USH2A: variants seen among roughly 807,000 people sequenced by gnomAD.
USH2A encodes the protein usherin.
USH2A carries 443 observed loss-of-function variants against 538.9 expected under a neutral mutation model. The observed-to-expected ratio is 0.82, with a 90% CI of 0.76 to 0.89. The LOEUF (loss-of-function observed/expected upper bound fraction) is 0.89, where lower values mean the gene tolerates loss of function less well. Among genes scored for constraint, USH2A ranks in the 40% least tolerant of loss-of-function variants. The probability of loss-of-function intolerance (pLI) is 0.00; values close to 1 mark genes in which losing one functional copy is unlikely to be tolerated. For missense variants in USH2A, 6,633 were observed against 6,324.8 expected (o/e 1.05, Z -1.65); for synonymous variants, 2,413 against 2,273.5 (o/e 1.06, Z -1.75).
intron 44 of USH2A, among the ~76,000 whole-genome samples, chr1:215,847,499 A>G (rs1453755060): frequency 6.6e-6 from 1 of 151,814 alleles, no homozygotes. Flanking sequence ...ACAAAAACTA[A>G]CCAGGTGTGA....
chr1:216,186,641 A>G (rs1031448499), intron 20 of USH2A, among the ~76,000 whole-genome samples: 3 of 151,932 alleles, frequency 2.0e-5, no homozygotes, highest in Non-Finnish European at 4.4e-5. Context: ...AGATGAATAC[A>G]AAATCTGCAT....
chr1:215,868,684 C>T (rs1465545170), intron 43 of USH2A, among the ~76,000 whole-genome samples: 1 of 152,226 alleles, frequency 6.6e-6, no homozygotes, highest in East Asian at 1.9e-4. Flanking sequence ...GATTAGGCAG[C>T]ACCATAAATT....
At position 215,758,609 on chromosome 1, in the gene USH2A, G is replaced by A; in HGVS notation, c.11375C>T (p.Ala3792Val). The A allele has an allele frequency of 1.2e-6, 2 of 1,612,244 alleles. No homozygotes were observed. Among genetic ancestry groups the A allele is most frequent in the Non-Finnish European group, 1.7e-6 (2 of 1,179,528 alleles). Residue 3792 changes from alanine to valine, a missense_variant, in exon 58 of 72, where the codon GCT becomes GTT. Ala to Val is a moderately conservative substitution (Grantham distance 64). Coordinates refer to ENST00000307340, the MANE Select transcript of USH2A (RefSeq NM_206933.4). ...TTTTTTTTTACCTGGTGGTATCCAA[G>A]CTACAAATATAGAATAAGGCCCAAT... The part of the protein sequence containing the change: ...TVIGPYSIFV[A>V]WIPPGILIPE...
At chr1:216,391,653 C>T (rs1391424674) in intron 3 of USH2A, among the ~76,000 whole-genome samples, 1 of 152,070 alleles carries the variant, frequency 6.6e-6, no homozygotes, top group Non-Finnish European at 1.5e-5. Flanking sequence ...TCCAGAGGGT[C>T]AATTTTAAAC....
chr1:216,226,479 C>G (rs1174684781), intron 14 of USH2A, among the ~76,000 whole-genome samples: 1 of 152,142 alleles, frequency 6.6e-6, no homozygotes, highest in African/African-American at 2.4e-5. Flanking sequence ...GGTTAGCCTC[C>G]TCCCTCACGT....
intron 40 of USH2A, among the ~76,000 whole-genome samples, chr1:215,889,726 C>G (rs1050726524): frequency 3.3e-5 from 5 of 152,088 alleles, no homozygotes; most frequent in Admixed American, 2.6e-4. Flanking sequence ...CTAACTGATT[C>G]AATTATCATA....
intron 47 of USH2A, among the ~76,000 whole-genome samples, chr1:215,822,964 G>A (rs371957581): frequency 2.8e-4 from 42 of 151,998 alleles, no homozygotes; most frequent in Admixed American, 1.5e-3. Context: ...ACTTTATGTC[G>A]TCTCAATTTG....
rs763831329 is a variant in USH2A at position 216,078,111 on chromosome 1, A to T, written c.5550T>A (p.Tyr1850Ter). The change falls in exon 27 of 72, where the codon TAT becomes TAA. Residue 1850 changes from tyrosine (Y) to a stop codon, truncating the protein, a stop_gained. Coordinates refer to ENST00000307340, the MANE Select transcript of USH2A (RefSeq NM_206933.4). LOFTEE classifies it high-confidence loss of function. ...GGIPQELLNSYQHLCLEQGFG... is the reference protein window; with the variant it reads ...GGIPQELLNS ...TACCTTGTTCCAAACACAAATGTTG[A>T]TAAGAGTTCAGCAGTTCCTGTGGGA... is the stretch of plus-strand genomic sequence containing the variant. The T allele has an allele frequency of 6.2e-7, 1 of 1,613,650 alleles. No homozygotes were observed. The highest frequency in any genetic ancestry group is 8.5e-7 in the Non-Finnish European group (1 of 1,179,724).
intron 12 of USH2A, among the ~76,000 whole-genome samples, chr1:216,250,439 A>C (rs1030450417): frequency 6.6e-6 from 1 of 152,084 alleles, no homozygotes; most frequent in Non-Finnish European, 1.5e-5. Context: ...TCAAAGAAAT[A>C]TAACAGAAAA....
At chr1:216,056,464 A>T (rs965639096) in intron 30 of USH2A, among the ~76,000 whole-genome samples, 4 of 152,208 alleles carry the variant, frequency 2.6e-5, no homozygotes, top group African/African-American at 9.7e-5. Context: ...AGACAGCTAA[A>T]AAGCAGTAGA....
At chr1:215,877,642 T>C in intron 43 of USH2A, 116 bp downstream of exon 43, 1 of 1,495,832 alleles carries the variant, frequency 6.7e-7, no homozygotes, top group Non-Finnish European at 9.2e-7. Flanking sequence ...ACCAAACATG[T>C]TTTATTGCAT....
intron 32 of USH2A, among the ~76,000 whole-genome samples, chr1:216,003,801 A>C (rs1668328838): frequency 6.6e-6 from 1 of 152,208 alleles, no homozygotes; most frequent in African/African-American, 2.4e-5. Context: ...CAGAGCTGTC[A>C]TGCAATCAAA....
intron 32 of USH2A, among the ~76,000 whole-genome samples, chr1:216,027,706 GCT>G (rs1187135191): frequency 6.6e-6 from 1 of 152,060 alleles, no homozygotes; most frequent in Non-Finnish European, 1.5e-5. Context: ...ATATTAGACA[GCT>G]CTTATTGAAA....
At chr1:216,212,704 T>TGC (rs1553315824) in intron 15 of USH2A, among the ~76,000 whole-genome samples, 22 of 151,326 alleles carry the variant, frequency 1.5e-4, no homozygotes, top group African/African-American at 5.3e-4. Context: ...TGTGTGTGTG[T>TGC]GCATGCACAT....
At chr1:216,269,881 A>G (rs1333149922) in intron 11 of USH2A, among the ~76,000 whole-genome samples, 5 of 152,116 alleles carry the variant, frequency 3.3e-5, no homozygotes, top group African/African-American at 1.2e-4. Flanking sequence ...TGACAACAGA[A>G]AAGAGTAAGA....
intron 30 of USH2A, among the ~76,000 whole-genome samples, chr1:216,065,137 T>C (rs1334443338): frequency 6.6e-6 from 1 of 152,216 alleles, no homozygotes; most frequent in Non-Finnish European, 1.5e-5. Context: ...ATCACTACCA[T>C]GTATGACATG....
At chr1:215,962,760 T>C (rs1305872690) in intron 37 of USH2A, among the ~76,000 whole-genome samples, 1 of 147,198 alleles carries the variant, frequency 6.8e-6, no homozygotes, top group Non-Finnish European at 1.5e-5. Context: ...CTTGGTACTT[T>C]ACTTCCTTTT....
At chr1:215,886,527 A>G (rs182978778) in intron 41 of USH2A, 8 of 152,342 alleles carry the variant, frequency 5.3e-5, no homozygotes, top group Admixed American at 3.3e-4. Context: ...TAAGATGAGA[A>G]TAAAAAGTGT....
In USH2A at chr1:215,900,969, C is replaced by T. The variant is rs1665483328; in HGVS notation, c.7301-64G>A. On this transcript the variant is annotated intron_variant, in intron 38 of 71. Coordinates refer to ENST00000307340, the MANE Select transcript of USH2A (RefSeq NM_206933.4). ...GTGGAGAACATATGCTGGATGGAAT[C>T]GAAATGCTCCATATACTGGAAAAAC... The T allele has an allele frequency of 2.3e-5, 36 of 1,597,580 alleles. 1 individual carries two copies. In the Admixed American group the frequency reaches 2.9e-4, roughly 13 times the overall value.
Sources: gnomAD v4.1 joint callset for allele counts (sites outside exome capture counted in the v4.1 genomes callset) on GRCh38, gnomAD v4.1.1 for gene constraint, MANE v1.5 for transcripts, NCBI Gene and HGNC (gene_info 2026-07-23, HGNC 2026-07-21) for gene names.